The following SAP30BP variants were observed in gnomAD, a reference collection of about 807,000 sequenced individuals.
SAP30BP encodes SAP30 binding protein, also known as SAP30-binding protein.
A neutral mutation model predicts 46.3 loss-of-function variants in SAP30BP; 31 were observed. The ratio of observed to expected loss-of-function variants is 0.67; its 90% CI spans 0.50 to 0.90. The LOEUF (loss-of-function observed/expected upper bound fraction) is 0.90, where lower values mean the gene tolerates loss of function less well. SAP30BP is among the 40% of genes least tolerant of loss of function. The pLI is 0.00. For synonymous variants in SAP30BP, 169 were observed against 144.2 expected, an observed-to-expected ratio of 1.17 and a Z score of -1.23; for missense variants, 312 against 391.0, an observed-to-expected ratio of 0.80 and a Z score of 1.70.
At chr17:75,698,340 A>G (rs1052763252) in intron 4 of SAP30BP, among the ~76,000 whole-genome samples, 1 of 152,250 alleles carries the variant, frequency 6.6e-6, no homozygotes, top group African/African-American at 2.4e-5. Context: ...ATAATGGTAA[A>G]AAGTATCATT....
chr17:75,670,879 A>G (rs1312784161), intron 2 of SAP30BP, among the ~76,000 whole-genome samples: 1 of 152,170 alleles, frequency 6.6e-6, no homozygotes, highest in Non-Finnish European at 1.5e-5. Context: ...AGCTTTGTTG[A>G]AAATAGTAGT....
At chr17:75,704,925 C>G in intron 9 of SAP30BP, 111 bp downstream of exon 9, 2 of 835,652 alleles carry the variant, frequency 2.4e-6, no homozygotes, top group Non-Finnish European at 4.1e-6. Context: ...CCCGTGTCAT[C>G]ACCCGGCGAT....
intron 3 of SAP30BP, among the ~76,000 whole-genome samples, chr17:75,687,688 A>C (rs2060177208): frequency 6.6e-6 from 1 of 151,100 alleles, no homozygotes; most frequent in Non-Finnish European, 1.5e-5. Flanking sequence ...TTTGTAATTC[A>C]GCGTTGGTGT....
chr17:75,696,696 C>G (rs1284053766), intron 4 of SAP30BP, among the ~76,000 whole-genome samples: 1 of 151,162 alleles, frequency 6.6e-6, no homozygotes, highest in East Asian at 1.9e-4. Context: ...GAATGTGTTC[C>G]TTTATTTGCC....
At chr17:75,691,079 A>T (rs560857514) in intron 3 of SAP30BP, among the ~76,000 whole-genome samples, 1 of 152,158 alleles carries the variant, frequency 6.6e-6, no homozygotes, top group Non-Finnish European at 1.5e-5. Context: ...GGGAAGGCTC[A>T]TGGAGCTGGA....
At chr17:75,688,291 A>G (rs2060191682) in intron 3 of SAP30BP, among the ~76,000 whole-genome samples, 1 of 152,130 alleles carries the variant, frequency 6.6e-6, no homozygotes, top group Non-Finnish European at 1.5e-5. Flanking sequence ...GTGAAGTGAG[A>G]TCTCATCAGG....
Position 75,693,531 on chromosome 17 carries a change from CA to C in SAP30BP, c.307+50del, listed in dbSNP as rs762667061. 11 of 1,577,466 alleles carry C rather than the reference CA, an allele frequency of 7.0e-6. No homozygotes were observed. The East Asian group carries it at 2.5e-4, about 35-fold the overall frequency. ...GCACGTTTCTCAGCCTTGCTCCTAG[CA>C]GCCTGGCTTCCAGCCATGCCAGGCC... On this transcript the variant is annotated intron_variant, in intron 4 of 10. Coordinates refer to ENST00000584667, the MANE Select transcript of SAP30BP (RefSeq NM_013260.8).
At chr17:75,691,425 G>A (rs2060240488) in intron 3 of SAP30BP, 1 of 456,464 alleles carries the variant, frequency 2.2e-6, no homozygotes, top group Admixed American at 2.4e-5. Context: ...GCTGAGCCTG[G>A]CAGCACACAC....
chr17:75,695,663 TCTAC>T (rs1192983012), intron 4 of SAP30BP, among the ~76,000 whole-genome samples: 1 of 152,158 alleles, frequency 6.6e-6, no homozygotes, highest in East Asian at 1.9e-4. Context: ...TGTCAGCCCC[TCTAC>T]CTAAGCTTTT....
intron 3 of SAP30BP, among the ~76,000 whole-genome samples, chr17:75,682,782 TG>T (rs1225595721): frequency 7.2e-6 from 1 of 139,588 alleles, no homozygotes; most frequent in African/African-American, 3.0e-5. Flanking sequence ...GCCAACATAG[TG>T]AAACCCCCAT....
intron 4 of SAP30BP, 149 bp downstream of exon 4, chr17:75,693,631 C>T: frequency 1.6e-6 from 1 of 626,490 alleles, no homozygotes. Context: ...TTTGGCATTT[C>T]CTAGGATGCC....
At chr17:75,681,085 A>C (rs2060069042) in intron 3 of SAP30BP, among the ~76,000 whole-genome samples, 3 of 152,246 alleles carry the variant, frequency 2.0e-5, no homozygotes, top group Non-Finnish European at 1.5e-5. Context: ...TTATGTCATT[A>C]GCTTCAGACA....
intron 3 of SAP30BP, among the ~76,000 whole-genome samples, chr17:75,676,191 T>G (rs1388270911): frequency 6.6e-6 from 1 of 152,252 alleles, no homozygotes. Context: ...CAGTGAACTC[T>G]GCATTCTGCT....
chr17:75,682,383 C>G (rs1266039843), intron 3 of SAP30BP, among the ~76,000 whole-genome samples: 1 of 151,934 alleles, frequency 6.6e-6, no homozygotes, highest in Non-Finnish European at 1.5e-5. Flanking sequence ...TGGGGTTTCT[C>G]CATGTTGGTC....
intron 3 of SAP30BP, among the ~76,000 whole-genome samples, chr17:75,677,507 A>G (rs939364636): frequency 1.5e-5 from 2 of 137,712 alleles, no homozygotes; most frequent in African/African-American, 5.5e-5. Flanking sequence ...ATCTCAGCTC[A>G]CTGCAGCCTT....
intron 4 of SAP30BP, among the ~76,000 whole-genome samples, chr17:75,697,085 T>C (rs1371153778): frequency 6.6e-6 from 1 of 152,098 alleles, no homozygotes; most frequent in Non-Finnish European, 1.5e-5. Flanking sequence ...CCCCTCCTCT[T>C]ACACTGTACA....
At chr17:75,671,390 G>A (rs2148368492) in intron 2 of SAP30BP, among the ~76,000 whole-genome samples, 1 of 152,348 alleles carries the variant, frequency 6.6e-6, no homozygotes, top group South Asian at 2.1e-4. Context: ...TGATGTACAT[G>A]TGTATATGAA....
At chr17:75,693,206 G>A (rs1242626655) in intron 3 of SAP30BP, 3 of 521,126 alleles carry the variant, frequency 5.8e-6, no homozygotes, top group Non-Finnish European at 7.0e-6. Context: ...CACTGAAAAG[G>A]CATGGAGGAG....
In SAP30BP at chr17:75,706,412, C is replaced by T. The variant is rs373102942; in HGVS notation, c.818C>T (p.Thr273Ile). 9 of 1,614,054 alleles carry T rather than the reference C, an allele frequency of 5.6e-6. No homozygotes were observed. Among genetic ancestry groups the T allele is most frequent in the Non-Finnish European group, 2.5e-6 (3 of 1,180,036 alleles). Residue 273 changes from threonine to isoleucine, a missense_variant, in exon 11 of 11, where the codon ACC (threonine) becomes ATC (isoleucine). Coordinates refer to ENST00000584667, the MANE Select transcript of SAP30BP (RefSeq NM_013260.8). The surrounding 1 kb of genome is among the most constrained non-coding windows in gnomAD (Gnocchi z 4.6). ...VTTIAQPTIL[T>I]TTATLPAVVT... The stretch of plus-strand genomic sequence containing the variant: ...ACGATAGCCCAGCCCACCATCCTCA[C>T]CACCACAGCCACCCTGCCAGCTGTT...
Sources: allele counts gnomAD v4.1 joint callset (sites outside exome capture counted in the v4.1 genomes callset), GRCh38; gene constraint gnomAD v4.1.1; non-coding constraint Gnocchi (gnomAD v3.1); transcripts MANE v1.5; gene names NCBI Gene and HGNC (gene_info 2026-07-23, HGNC 2026-07-21).